FAT3: variants seen among roughly 807,000 people sequenced by gnomAD.
FAT3 encodes FAT atypical cadherin 3, also known as protocadherin Fat 3.
FAT3 carries 95 observed loss-of-function variants against 310.2 expected under a neutral mutation model. The ratio of observed to expected loss-of-function variants is 0.31; its 90% confidence interval spans 0.26 to 0.36. The LOEUF is 0.36. Ranked by LOEUF, FAT3 falls within the 10% of genes least tolerant of loss-of-function variation. FAT3 has a pLI of 1.00. For synonymous variants in FAT3, 2,314 were observed against 2,192.9 expected (o/e 1.06, Z -1.54); for missense variants, 5,408 against 5,715.6 (o/e 0.95, Z 1.74).
In FAT3 at chr11:92,329,541, C is replaced by G. The variant is rs754591799; in HGVS notation, c.-17-22555C>G. Among the ~76,000 whole-genome samples the G allele has an allele frequency of 2.8e-4, 42 of 148,344 alleles. 1 individual carries two copies. The highest frequency in any genetic ancestry group is 4.9e-4 in the Non-Finnish European group (33 of 67,946). On this transcript the variant is annotated intron_variant, in intron 1 of 27. Transcript: ENST00000525166. ...TAAACTTCTTTCCTTTATAAATTAC[C>G]CAGCCTCAGGTAGGCTGTTAATTAA...
chr11:92,534,115 T>C (rs2135392216), intron 3 of FAT3, among the ~76,000 whole-genome samples: 1 of 152,292 alleles, frequency 6.6e-6, no homozygotes, highest in South Asian at 2.1e-4. Context: ...GATGCCATTG[T>C]TAGGGAGACT....
intron 18 of FAT3, among the ~76,000 whole-genome samples, chr11:92,841,397 CA>C (rs1948545414): frequency 6.6e-6 from 1 of 152,160 alleles, no homozygotes; most frequent in Non-Finnish European, 1.5e-5. Context: ...TTACAGAGGG[CA>C]ACCTAGACTC....
chr11:92,237,487 A>G (rs1864479886), intron 1 of FAT3, among the ~76,000 whole-genome samples: 2 of 152,156 alleles, frequency 1.3e-5, no homozygotes, highest in Admixed American at 1.3e-4. Flanking sequence ...CATTATTAAT[A>G]TCCCTGATGA....
At chr11:92,790,626 T>G (rs1453011670) in intron 8 of FAT3, among the ~76,000 whole-genome samples, 2 of 152,218 alleles carry the variant, frequency 1.3e-5, no homozygotes, top group Non-Finnish European at 2.9e-5. Flanking sequence ...GCTCAGTCCT[T>G]GGAAGGATTT....
At chr11:92,415,245 A>G (rs1392649904) in intron 2 of FAT3, among the ~76,000 whole-genome samples, 1 of 152,184 alleles carries the variant, frequency 6.6e-6, no homozygotes, top group African/African-American at 2.4e-5. Context: ...TAATCCTGCC[A>G]TTTCAGAAAT....
rs1166892570 is a variant in FAT3, at chr11:92,844,441, C to T, written c.11074C>T (p.Pro3692Ser). ...QDSLRIISIQ[P>S]VAGTNQLDML... is the part of the protein sequence containing the mutation. ...CAGCCTGCGCATCATCAGCATCCAG[C>T]CCGTGGCAGGCACCAACCAACTGGA... The change falls in exon 19 of 28, where the codon CCC becomes TCC. Residue 3692 changes from proline (P) to serine (S), a missense_variant. Physicochemically the swap from Pro to Ser is moderately conservative, Grantham distance 74. Transcript: ENST00000525166. 3.7e-6 allele frequency: 6 copies of T among 1,613,850 alleles called. No homozygotes were observed. Among genetic ancestry groups the T allele is most frequent in the African/African-American group, 1.3e-5 (1 of 74,948 alleles).
chr11:92,733,122 A>G (rs1393077945), intron 4 of FAT3, among the ~76,000 whole-genome samples: 1 of 152,202 alleles, frequency 6.6e-6, no homozygotes, highest in Non-Finnish European at 1.5e-5. Context: ...ACACAAGGGT[A>G]GCAAAGACTG....
chr11:92,233,190 T>G (rs1864263584), intron 1 of FAT3, among the ~76,000 whole-genome samples: 1 of 152,234 alleles, frequency 6.6e-6, no homozygotes, highest in African/African-American at 2.4e-5. Context: ...TGAGGATTTT[T>G]CATTACCTGT....
intron 1 of FAT3, among the ~76,000 whole-genome samples, chr11:92,264,457 A>G (rs1428867572): frequency 6.6e-6 from 1 of 152,184 alleles, no homozygotes; most frequent in Non-Finnish European, 1.5e-5. Flanking sequence ...GTTTAAGGAC[A>G]CTAAGAGTCA....
chr11:92,694,532 T>C (rs769466979), intron 3 of FAT3, among the ~76,000 whole-genome samples: 1 of 152,140 alleles, frequency 6.6e-6, no homozygotes, highest in Admixed American at 6.5e-5. Context: ...CCCAGTTACA[T>C]GTAGGCATTG....
At chr11:92,570,162 A>G (rs775627852) in intron 3 of FAT3, among the ~76,000 whole-genome samples, 5 of 152,174 alleles carry the variant, frequency 3.3e-5, no homozygotes, top group Non-Finnish European at 5.9e-5. Context: ...ATGGAAAACT[A>G]TAATTGATTT....
At chr11:92,453,296 A>T (rs1202591586) in intron 2 of FAT3, among the ~76,000 whole-genome samples, 2 of 152,162 alleles carry the variant, frequency 1.3e-5, no homozygotes, top group Admixed American at 1.3e-4. Flanking sequence ...ACCAAATGAG[A>T]TCAGTTAAAT....
At chr11:92,384,623 T>G (rs1949576430) in intron 2 of FAT3, among the ~76,000 whole-genome samples, 1 of 152,186 alleles carries the variant, frequency 6.6e-6, no homozygotes, top group Admixed American at 6.5e-5. Flanking sequence ...CATGCACTGC[T>G]ATCATCCCTG....
At chr11:92,783,559 C>T (rs1946812070) in intron 7 of FAT3, among the ~76,000 whole-genome samples, 1 of 147,884 alleles carries the variant, frequency 6.8e-6, no homozygotes, top group Non-Finnish European at 1.5e-5. Context: ...GTAATCCCAA[C>T]ACTTTGGGAG....
chr11:92,586,556 A>G (rs1317890170), intron 3 of FAT3, among the ~76,000 whole-genome samples: 1 of 151,996 alleles, frequency 6.6e-6, no homozygotes, highest in East Asian at 1.9e-4. Flanking sequence ...GAGTTTGAAA[A>G]TATGTTCTAA....
chr11:92,537,296 A>G (rs1954293315), intron 3 of FAT3, among the ~76,000 whole-genome samples: 2 of 152,114 alleles, frequency 1.3e-5, no homozygotes, highest in African/African-American at 2.4e-5. Context: ...GAGATGATAG[A>G]AATGCAGTTA....
At chr11:92,535,228 G>A (rs1395357103) in intron 3 of FAT3, among the ~76,000 whole-genome samples, 1 of 152,154 alleles carries the variant, frequency 6.6e-6, no homozygotes, top group Non-Finnish European at 1.5e-5. Context: ...TGGAAGCAGA[G>A]ACTGGAGTTA....
At chr11:92,759,076 C>T (rs11020049) in intron 4 of FAT3, among the ~76,000 whole-genome samples, 1,575 of 152,082 alleles carry the variant, frequency 0.01, 36 homozygotes, top group East Asian at 0.076. Flanking sequence ...GAATTAGCAG[C>T]ATGTAGGTAG....
chr11:92,804,697 G>T (rs371797317), intron 10 of FAT3, among the ~76,000 whole-genome samples: 1 of 152,120 alleles, frequency 6.6e-6, no homozygotes, highest in African/African-American at 2.4e-5. Flanking sequence ...TATGATAAAG[G>T]CTTCATTAAA....
Sources: gnomAD v4.1 joint callset for allele counts (sites outside exome capture counted in the v4.1 genomes callset) on GRCh38, gnomAD v4.1.1 for gene constraint, MANE v1.5 for transcripts, NCBI Gene and HGNC (gene_info 2026-07-23, HGNC 2026-07-21) for gene names.